The following STXBP6 variants were observed in gnomAD, a reference collection of about 807,000 sequenced individuals.
STXBP6 encodes syntaxin binding protein 6.
In STXBP6, 21 loss-of-function variants were observed where a neutral mutation model predicts 26.9. The observed-to-expected ratio is 0.78, with a 90% CI of 0.55 to 1.12. STXBP6 has a LOEUF of 1.12. Among genes scored for constraint, STXBP6 ranks in the 50% most tolerant of loss-of-function variants. The pLI, the probability that STXBP6 is intolerant of heterozygous loss-of-function variation, is 0.00. For synonymous variants in STXBP6, 97 were observed against 92.6 expected, an observed-to-expected ratio of 1.05 and a Z score of -0.27; for missense variants, 232 against 257.9, an observed-to-expected ratio of 0.90 and a Z score of 0.69.
chr14:24,908,828 G>C (rs2071471377), intron 2 of STXBP6, among the ~76,000 whole-genome samples: 3 of 152,148 alleles, frequency 2.0e-5, no homozygotes, highest in South Asian at 4.1e-4. Context: ...CACAAAAAAG[G>C]CTGGTTATTC....
At chr14:25,025,284 G>T (rs1259672393) in intron 1 of STXBP6, among the ~76,000 whole-genome samples, 1 of 151,830 alleles carries the variant, frequency 6.6e-6, no homozygotes, top group Middle Eastern at 3.2e-3. Context: ...ATATATATTA[G>T]GGAAAATGAC....
chr14:25,010,140 T>C (rs763940106), intron 1 of STXBP6, among the ~76,000 whole-genome samples: 9 of 152,218 alleles, frequency 5.9e-5, no homozygotes, highest in South Asian at 2.1e-4. Flanking sequence ...GTTCTCACCA[T>C]AGAAACTCTA....
chr14:24,870,633 CTTCT>C (rs1377129005), intron 2 of STXBP6, among the ~76,000 whole-genome samples: 1 of 152,194 alleles, frequency 6.6e-6, no homozygotes, highest in Non-Finnish European at 1.5e-5. Context: ...ACAAGAAACT[CTTCT>C]TTCAGATTAT....
chr14:24,881,548 G>A (rs1241643), intron 2 of STXBP6, among the ~76,000 whole-genome samples: 139,372 of 152,242 alleles, frequency 0.92, 63,827 homozygotes, highest in Non-Finnish European at 0.94. Flanking sequence ...TGAATATAAA[G>A]ACACAACTTA....
rs528365133 is a variant in STXBP6 at position 25,035,450 on chromosome 14, G to A, written c.-33+14428C>T. Among the ~76,000 whole-genome samples the A allele has an allele frequency of 6.0e-4, 92 of 152,312 alleles. 1 individual carries two copies. The highest frequency in any genetic ancestry group is 2.1e-3 in the African/African-American group (88 of 41,570). On this transcript the variant is annotated intron_variant, in intron 1 of 5. Transcript: ENST00000323944. Reference sequence around the variant, plus strand: ...ATACGTTTCTTTCTTTTGGCAGGAAGTCAATAAGTTCAAACGTCCACCAGC... The same window carrying A: ...ATACGTTTCTTTCTTTTGGCAGGAAATCAATAAGTTCAAACGTCCACCAGC...
chr14:24,928,953 TA>T (rs34305864), intron 2 of STXBP6, among the ~76,000 whole-genome samples: 37,110 of 149,622 alleles, frequency 0.25, 4,808 homozygotes, highest in African/African-American at 0.34. Context: ...GGCACTAGAT[TA>T]AAAAAAAAAT....
chr14:24,960,458 A>G (rs1178487346), intron 2 of STXBP6, among the ~76,000 whole-genome samples: 1 of 152,232 alleles, frequency 6.6e-6, no homozygotes, highest in African/African-American at 2.4e-5. Context: ...ATATTATGGT[A>G]ATTATAAAGC....
intron 2 of STXBP6, among the ~76,000 whole-genome samples, chr14:24,865,988 T>C (rs545419821): frequency 9.9e-5 from 15 of 152,188 alleles, no homozygotes; most frequent in Non-Finnish European, 1.8e-4. Flanking sequence ...AGAGTCACAG[T>C]TGTAATGGAT....
intron 2 of STXBP6, among the ~76,000 whole-genome samples, chr14:24,972,637 CT>C (rs2073935523): frequency 2.0e-5 from 3 of 152,190 alleles, no homozygotes; most frequent in Non-Finnish European, 4.4e-5. Flanking sequence ...GCAAATCAGT[CT>C]TTATTTAAGT....
At chr14:24,833,262 C>G (rs141355782) in intron 4 of STXBP6, among the ~76,000 whole-genome samples, 1 of 152,158 alleles carries the variant, frequency 6.6e-6, no homozygotes, top group Non-Finnish European at 1.5e-5. Flanking sequence ...AGCTTGGTTA[C>G]CTAAGCCACA....
intron 1 of STXBP6, among the ~76,000 whole-genome samples, chr14:25,011,661 C>G (rs1017175279): frequency 7.2e-5 from 11 of 152,010 alleles, no homozygotes; most frequent in Admixed American, 3.3e-4. Context: ...ATATACTGTT[C>G]AGTGATAAAA....
intron 2 of STXBP6, among the ~76,000 whole-genome samples, chr14:24,957,916 T>C (rs192096119): frequency 7.2e-5 from 11 of 152,312 alleles, no homozygotes; most frequent in East Asian, 3.9e-4. Context: ...AGTATGCACA[T>C]AGAACCATTA....
chr14:25,044,183 A>AAAAAAG (rs1396933712), intron 1 of STXBP6, among the ~76,000 whole-genome samples: 1 of 151,506 alleles, frequency 6.6e-6, no homozygotes, highest in East Asian at 1.9e-4. Flanking sequence ...AAAAAAAAAA[A>AAAAAAG]AAAAAAAAAA....
intron 1 of STXBP6, among the ~76,000 whole-genome samples, chr14:24,978,504 A>T (rs555629940): frequency 2.3e-4 from 35 of 152,254 alleles, no homozygotes; most frequent in African/African-American, 8.2e-4. Flanking sequence ...AAGGCTGAGA[A>T]CCCACTGTAA....
chr14:24,835,680 A>C (rs569319257), intron 4 of STXBP6, among the ~76,000 whole-genome samples: 1 of 152,358 alleles, frequency 6.6e-6, no homozygotes, highest in South Asian at 2.1e-4. Flanking sequence ...TGCTATTAAA[A>C]AATAGGTAGT....
At chr14:24,904,961 A>G (rs759305848) in intron 2 of STXBP6, among the ~76,000 whole-genome samples, 9 of 152,220 alleles carry the variant, frequency 5.9e-5, no homozygotes, top group Non-Finnish European at 1.2e-4. Flanking sequence ...GGATGTTGAA[A>G]GACCCCAGGA....
At chr14:24,874,645 G>C (rs913507481) in intron 2 of STXBP6, among the ~76,000 whole-genome samples, 1 of 152,168 alleles carries the variant, frequency 6.6e-6, no homozygotes, top group Non-Finnish European at 1.5e-5. Context: ...TTAATTCAAA[G>C]AGTAAAGCTA....
intron 4 of STXBP6, among the ~76,000 whole-genome samples, chr14:24,831,269 A>G (rs1024319850): frequency 6.6e-6 from 1 of 152,180 alleles, no homozygotes; most frequent in Non-Finnish European, 1.5e-5. Context: ...TTATGTTTCT[A>G]TTACTACATT....
At chr14:24,899,803 A>AAAAAC (rs2071144055) in intron 2 of STXBP6, among the ~76,000 whole-genome samples, 3 of 80,092 alleles carry the variant, frequency 3.7e-5, no homozygotes, top group Non-Finnish European at 4.4e-5. Context: ...AAAAAAAGCA[A>AAAAAC]AAAAAAAAAA....
Sources: allele counts gnomAD v4.1 joint callset (sites outside exome capture counted in the v4.1 genomes callset), GRCh38; gene constraint gnomAD v4.1.1; transcripts MANE v1.5; gene names NCBI Gene and HGNC (gene_info 2026-07-23, HGNC 2026-07-21).